The following ATP2B2 variants were observed in gnomAD, a reference collection of about 807,000 sequenced individuals.
ATP2B2 encodes ATPase plasma membrane Ca2+ transporting 2.
ATP2B2 carries 15 observed loss-of-function variants against 120.0 expected under a neutral mutation model. The ratio of observed to expected loss-of-function variants is 0.12; its 90% CI spans 0.08 to 0.19. The LOEUF is 0.19. Among genes scored for constraint, ATP2B2 ranks in the 10% least tolerant of loss-of-function variants. The pLI is 1.00. For missense variants in ATP2B2, 1,045 were observed against 1,719.8 expected, an observed-to-expected ratio of 0.61 and a Z score of 6.94; for synonymous variants, 694 against 700.3, an observed-to-expected ratio of 0.99 and a Z score of 0.14.
intron 1 of ATP2B2, among the ~76,000 whole-genome samples, chr3:10,494,961 T>C (rs1199203894): frequency 1.3e-5 from 2 of 152,202 alleles, no homozygotes; most frequent in Non-Finnish European, 1.5e-5. Context: ...GAACCACAGT[T>C]TCCTCAATAG....
chr3:10,436,984 C>T (rs2063499450), intron 2 of ATP2B2, among the ~76,000 whole-genome samples: 2 of 152,202 alleles, frequency 1.3e-5, no homozygotes, highest in South Asian at 4.1e-4. Context: ...CGTGGCTTTG[C>T]ATTCTCTGTA....
intron 1 of ATP2B2, among the ~76,000 whole-genome samples, chr3:10,654,231 A>G (rs1387138972): frequency 6.6e-6 from 1 of 152,180 alleles, no homozygotes; most frequent in African/African-American, 2.4e-5. Context: ...GCCTGACTCC[A>G]GAGTCCTTAC....
At chr3:10,406,330 A>C (rs2062409830) in intron 3 of ATP2B2, among the ~76,000 whole-genome samples, 1 of 152,246 alleles carries the variant, frequency 6.6e-6, no homozygotes, top group African/African-American at 2.4e-5. Context: ...CACTGTGTAC[A>C]GATAGCAACA....
chr3:10,707,050 G>C (rs2071906515), intron 1 of ATP2B2, among the ~76,000 whole-genome samples: 1 of 152,240 alleles, frequency 6.6e-6, no homozygotes, highest in South Asian at 2.1e-4. Context: ...CCGTCCTCCT[G>C]AGGCCTCAGG....
At chr3:10,396,051 T>G (rs980185170) in intron 5 of ATP2B2, among the ~76,000 whole-genome samples, 1 of 152,220 alleles carries the variant, frequency 6.6e-6, no homozygotes, top group East Asian at 1.9e-4. Flanking sequence ...CCCTGAGTGT[T>G]GAGGTCATTT....
chr3:10,628,956 C>T (rs546461953), intron 1 of ATP2B2, among the ~76,000 whole-genome samples: 1 of 152,196 alleles, frequency 6.6e-6, no homozygotes, highest in African/African-American at 2.4e-5. Flanking sequence ...TTAAAGATAC[C>T]TTATTTAATA....
chr3:10,673,165 G>C (rs547919521), intron 1 of ATP2B2, among the ~76,000 whole-genome samples: 2 of 152,150 alleles, frequency 1.3e-5, no homozygotes, highest in African/African-American at 4.8e-5. Flanking sequence ...CATCAGTTCC[G>C]TCACCATTGC....
At chr3:10,621,899 G>A (rs554066468) in intron 1 of ATP2B2, among the ~76,000 whole-genome samples, 2 of 152,338 alleles carry the variant, frequency 1.3e-5, no homozygotes, top group African/African-American at 4.8e-5. Flanking sequence ...GTGCTCCCGG[G>A]CTGGCCCTGT....
intron 9 of ATP2B2, among the ~76,000 whole-genome samples, chr3:10,378,959 C>A (rs2061454423): frequency 1.3e-5 from 2 of 152,242 alleles, no homozygotes; most frequent in South Asian, 4.1e-4. Flanking sequence ...AAACTCCCTA[C>A]CCCTCAACCT....
intron 3 of ATP2B2, among the ~76,000 whole-genome samples, chr3:10,531,406 C>G (rs1329832337): frequency 1.3e-5 from 2 of 152,234 alleles, no homozygotes; most frequent in East Asian, 1.9e-4. Context: ...TACCTGGGTT[C>G]AAATCCCAAC....
At chr3:10,565,773 T>C (rs57286069) in intron 2 of ATP2B2, among the ~76,000 whole-genome samples, 9,684 of 152,220 alleles carry the variant, frequency 0.064, 693 homozygotes, top group African/African-American at 0.18. Flanking sequence ...GCTAAGTTAC[T>C]TCAACAAACG....
At chr3:10,580,044 G>A (rs935301610) in intron 2 of ATP2B2, among the ~76,000 whole-genome samples, 4 of 152,096 alleles carry the variant, frequency 2.6e-5, no homozygotes, top group African/African-American at 4.8e-5. Context: ...GCAGGGATAG[G>A]CTGAGGTCCC....
At chr3:10,557,225 G>A (rs1485546976) in intron 2 of ATP2B2, among the ~76,000 whole-genome samples, 1 of 152,216 alleles carries the variant, frequency 6.6e-6, no homozygotes, top group Non-Finnish European at 1.5e-5. Flanking sequence ...CAGTTCCAGG[G>A]GCCCAGAAAT....
At chr3:10,470,799 A>C (rs911239414) in intron 1 of ATP2B2, among the ~76,000 whole-genome samples, 3 of 152,154 alleles carry the variant, frequency 2.0e-5, no homozygotes, top group Admixed American at 6.5e-5. Context: ...AGCAAGCCCC[A>C]GCACAGAGCA....
At chr3:10,448,466 T>C (rs1030969666) in intron 2 of ATP2B2, among the ~76,000 whole-genome samples, 2 of 152,098 alleles carry the variant, frequency 1.3e-5, no homozygotes, top group Non-Finnish European at 2.9e-5. Flanking sequence ...TTGTGGCAGG[T>C]AACCCAAACC....
At chr3:10,642,423 A>T (rs979215250) in intron 1 of ATP2B2, among the ~76,000 whole-genome samples, 3 of 152,170 alleles carry the variant, frequency 2.0e-5, no homozygotes, top group African/African-American at 7.2e-5. Context: ...AAGCAGGCAC[A>T]GTCACTGGCC....
chr3:10,427,216 T>G (rs1377138913), intron 2 of ATP2B2, among the ~76,000 whole-genome samples: 2 of 152,254 alleles, frequency 1.3e-5, no homozygotes, highest in African/African-American at 4.8e-5. Flanking sequence ...AAGCTCCACT[T>G]GATTATCTAC....
intron 2 of ATP2B2, among the ~76,000 whole-genome samples, chr3:10,613,016 G>A (rs2069283655): frequency 6.6e-6 from 1 of 152,188 alleles, no homozygotes; most frequent in Non-Finnish European, 1.5e-5. Context: ...CAGAGTTGGG[G>A]CTTTGAGCCA....
intron 1 of ATP2B2, among the ~76,000 whole-genome samples, chr3:10,620,820 G>A (rs1337978198): frequency 6.6e-6 from 1 of 152,166 alleles, no homozygotes; most frequent in Non-Finnish European, 1.5e-5. Context: ...GCCCATTGGT[G>A]CAGCCCCTAC....
Sources: gnomAD v4.1 joint callset for allele counts (sites outside exome capture counted in the v4.1 genomes callset) on GRCh38, gnomAD v4.1.1 for gene constraint, MANE v1.5 for transcripts, NCBI Gene and HGNC (gene_info 2026-07-23, HGNC 2026-07-21) for gene names.